Variants in RNF150 observed in about 807,000 individuals in gnomAD.
The protein encoded by RNF150 is ring finger protein 150.
A neutral mutation model predicts 39.3 loss-of-function variants in RNF150; 24 were observed. The observed-to-expected ratio is 0.61, with a 90% CI of 0.44 to 0.86. RNF150 has a LOEUF of 0.86. Among genes scored for constraint, RNF150 ranks in the 40% least tolerant of loss-of-function variants. RNF150 has a pLI of 0.00. For missense variants in RNF150, 502 were observed against 587.8 expected, an observed-to-expected ratio of 0.85 and a Z score of 1.51; for synonymous variants, 255 against 227.3, an observed-to-expected ratio of 1.12 and a Z score of -1.10.
intron 1 of RNF150, among the ~76,000 whole-genome samples, chr4:141,096,190 C>CTT (rs780868429): frequency 0.016 from 1,078 of 67,928 alleles, 91 homozygotes; most frequent in African/African-American, 0.042. Context: ...TTTTAGCTTT[C>CTT]TTTTTTTTTT....
chr4:141,187,548 A>G (rs980147605), intron 1 of RNF150, among the ~76,000 whole-genome samples: 10 of 152,170 alleles, frequency 6.6e-5, no homozygotes, highest in African/African-American at 2.4e-4. Flanking sequence ...TATTGGGTGC[A>G]TATATATTTA....
In RNF150 at chr4:140,877,665, T is replaced by C. The variant is rs1048924540; in HGVS notation, c.1199-9286A>G. ...ATACAGGCTCTGACTTTAAGCTGAA[T>C]TTGATCTACTAAAAGAGATCAGATT... On this transcript the variant is annotated intron_variant, in intron 6 of 6. Coordinates refer to ENST00000515673, the MANE Select transcript of RNF150 (RefSeq NM_020724.2). Among the ~76,000 whole-genome samples, 3 of 152,218 alleles carry C rather than the reference T, an allele frequency of 2.0e-5. No homozygotes were observed. In the East Asian group the frequency reaches 5.8e-4, roughly 29 times the overall value.
chr4:140,954,255 C>A (rs147592150), intron 2 of RNF150, among the ~76,000 whole-genome samples: 1 of 152,010 alleles, frequency 6.6e-6, no homozygotes, highest in Admixed American at 6.6e-5. Context: ...GCTCTGTCAC[C>A]CAGGCTGGAG....
At chr4:141,054,470 A>G (rs1254417335) in intron 1 of RNF150, among the ~76,000 whole-genome samples, 1 of 152,148 alleles carries the variant, frequency 6.6e-6, no homozygotes, top group African/African-American at 2.4e-5. Flanking sequence ...TAATGCTATT[A>G]TAAGAAAATT....
intron 4 of RNF150, among the ~76,000 whole-genome samples, chr4:140,943,318 G>T (rs998907697): frequency 3.3e-5 from 5 of 152,126 alleles, no homozygotes; most frequent in African/African-American, 4.8e-5. Flanking sequence ...GATAGTAAAT[G>T]ATATTGACAA....
At position 140,929,651 on chromosome 4, in the gene RNF150, A is replaced by G. The variant is rs542582181; in HGVS notation, c.891-3578T>C. On this transcript the variant is annotated intron_variant, in intron 4 of 6. Transcript: ENST00000515673. ...AAAGTAATGGGATTACAGGCGTGAG[A>G]CACCGTGCCCGGCCTGGATGCTTAG... 2.0e-5 allele frequency among the ~76,000 whole-genome samples: 3 copies of G among 152,082 alleles called. No homozygotes were observed. The East Asian group carries it at 5.8e-4, about 29-fold the overall frequency.
chr4:141,173,828 A>G (rs1186976729), intron 1 of RNF150, among the ~76,000 whole-genome samples: 13 of 152,240 alleles, frequency 8.5e-5, no homozygotes, highest in Non-Finnish European at 1.5e-5. Flanking sequence ...AACAATTTAG[A>G]AATATTTCAA....
chr4:140,910,506 T>C (rs1863301), intron 6 of RNF150, among the ~76,000 whole-genome samples: 81,641 of 151,878 alleles, frequency 0.54, 23,021 homozygotes, highest in Non-Finnish European at 0.63. Context: ...TTAGTGACTG[T>C]CTATGTATGA....
chr4:140,922,502 C>G (rs1290629020), intron 5 of RNF150, among the ~76,000 whole-genome samples: 4 of 151,986 alleles, frequency 2.6e-5, no homozygotes, highest in African/African-American at 9.7e-5. Context: ...ATTCCATGCT[C>G]ATAGATAGGA....
chr4:141,005,091 G>A (rs903047723), intron 1 of RNF150, among the ~76,000 whole-genome samples: 5 of 152,120 alleles, frequency 3.3e-5, no homozygotes, highest in Admixed American at 6.5e-5. Context: ...ATGAGGGAGC[G>A]GTTGTTGTCA....
At chr4:141,120,323 G>A (rs947495899) in intron 1 of RNF150, among the ~76,000 whole-genome samples, 9 of 152,168 alleles carry the variant, frequency 5.9e-5, no homozygotes, top group African/African-American at 2.2e-4. Context: ...GACAGGAAAC[G>A]GTGACTGATG....
rs140319634 is a variant in RNF150 at position 140,906,420 on chromosome 4, T to C, written c.1198+4724A>G. Among the ~76,000 whole-genome samples, 1,334 of 152,292 alleles carry C rather than the reference T, an allele frequency of 8.8e-3. 9 individuals are homozygous for C. Among genetic ancestry groups the C allele is most frequent in the Non-Finnish European group, 0.014 (934 of 68,028 alleles). On this transcript the variant is annotated intron_variant, in intron 6 of 6. Transcript: ENST00000515673. ...AGTATCTAGAGGTGATTTAAAAGTA[T>C]GGAGGATATGCAAATATTACACCAT...
intron 1 of RNF150, among the ~76,000 whole-genome samples, chr4:141,028,853 C>A (rs1578648246): frequency 6.6e-6 from 1 of 152,118 alleles, no homozygotes; most frequent in East Asian, 1.9e-4. Context: ...AGAGTAGAAC[C>A]CACACACTAA....
chr4:141,018,148 G>A (rs939195593), intron 1 of RNF150, among the ~76,000 whole-genome samples: 4 of 152,266 alleles, frequency 2.6e-5, no homozygotes, highest in Non-Finnish European at 5.9e-5. Context: ...GCCACATAGC[G>A]TGGAGGTGGA....
intron 2 of RNF150, among the ~76,000 whole-genome samples, chr4:140,952,011 A>T (rs932625267): frequency 6.7e-6 from 1 of 150,324 alleles, no homozygotes. Context: ...AAGGGAAATA[A>T]TTTTTTTTTT....
chr4:141,199,652 T>C lies in RNF150; in HGVS notation c.-6+13142A>G, dbSNP rs1021068331. Among the ~76,000 whole-genome samples, 4 of 152,172 alleles carry C rather than the reference T, an allele frequency of 2.6e-5. No individual in the cohort carries two copies. The East Asian group carries it at 5.8e-4, about 22-fold the overall frequency. On this transcript the variant is annotated intron_variant, in intron 1 of 7. Transcript: ENST00000420921. ...CAGCATTCTAGGAAAAGCAAAATTA[T>C]AGGGAGAGAACAGAGGATTGGCAGA...
intron 1 of RNF150, among the ~76,000 whole-genome samples, chr4:140,984,876 GT>G (rs1246956230): frequency 1.3e-5 from 2 of 152,094 alleles, no homozygotes; most frequent in African/African-American, 4.8e-5. Context: ...GAGCTCCCCA[GT>G]GGCATTAAGC....
intron 5 of RNF150, among the ~76,000 whole-genome samples, chr4:140,921,154 C>A (rs1731115219): frequency 1.5e-5 from 2 of 134,562 alleles, no homozygotes. Flanking sequence ...ACATTGTGCA[C>A]ATGTACCCTA....
At chr4:141,017,943 A>G (rs1204092120) in intron 1 of RNF150, among the ~76,000 whole-genome samples, 1 of 152,188 alleles carries the variant, frequency 6.6e-6, no homozygotes, top group African/African-American at 2.4e-5. Context: ...GGCAATTATG[A>G]ATAAAGCTGC....
Sources: allele counts gnomAD v4.1 joint callset (sites outside exome capture counted in the v4.1 genomes callset), GRCh38; gene constraint gnomAD v4.1.1; transcripts MANE v1.5; gene names NCBI Gene and HGNC (gene_info 2026-07-23, HGNC 2026-07-21).